Variants in RAPGEF4 observed in about 807,000 individuals in gnomAD.
RAPGEF4 encodes Rap guanine nucleotide exchange factor 4.
A neutral mutation model predicts 147.9 loss-of-function variants in RAPGEF4; 66 were observed. The ratio of observed to expected loss-of-function variants is 0.45; its 90% CI spans 0.37 to 0.55. RAPGEF4 has a LOEUF of 0.55. Among genes scored for constraint, RAPGEF4 ranks in the 20% least tolerant of loss-of-function variants. RAPGEF4 has a pLI of 0.00. For missense variants in RAPGEF4, 1,071 were observed against 1,257.3 expected (o/e 0.85, Z 2.24); for synonymous variants, 419 against 442.7 (o/e 0.95, Z 0.67).
intron 10 of RAPGEF4, among the ~76,000 whole-genome samples, chr2:172,973,099 T>C (rs974324631): frequency 1.8e-3 from 212 of 116,878 alleles, no homozygotes; most frequent in Middle Eastern, 8.8e-3. Context: ...TCAAGCCCCT[T>C]TTTTTTTCTT....
chr2:173,043,909 G>A (rs571103887), intron 29 of RAPGEF4, among the ~76,000 whole-genome samples: 40 of 152,308 alleles, frequency 2.6e-4, no homozygotes, highest in African/African-American at 9.4e-4. Flanking sequence ...TGCTGTCTTT[G>A]TACTGGTCAC....
At chr2:173,030,350 G>C in intron 26 of RAPGEF4, 96 bp downstream of exon 26, 6 of 948,762 alleles carry the variant, frequency 6.3e-6, no homozygotes, top group Non-Finnish European at 1.0e-5. Flanking sequence ...ACTCACACTA[G>C]TATAACAATG....
intron 4 of RAPGEF4, among the ~76,000 whole-genome samples, chr2:172,877,810 C>A (rs1340616416): frequency 6.6e-6 from 1 of 152,122 alleles, no homozygotes; most frequent in African/African-American, 2.4e-5. Context: ...GGGTGAGGGA[C>A]CTTCTGTCTT....
intron 4 of RAPGEF4, among the ~76,000 whole-genome samples, chr2:172,816,173 T>C (rs1688484307): frequency 2.0e-5 from 3 of 152,178 alleles, no homozygotes. Flanking sequence ...CTTAATTGTC[T>C]CATAAATACC....
chr2:173,002,790 A>G (rs1694061406), intron 17 of RAPGEF4, among the ~76,000 whole-genome samples: 2 of 152,170 alleles, frequency 1.3e-5, no homozygotes, highest in South Asian at 2.1e-4. Flanking sequence ...AGGCAGCTTC[A>G]AGAGGGAGAT....
At chr2:172,989,658 G>A (rs1169476499) in intron 14 of RAPGEF4, among the ~76,000 whole-genome samples, 2 of 152,116 alleles carry the variant, frequency 1.3e-5, no homozygotes, top group Admixed American at 1.3e-4. Context: ...TTTTAGGGAT[G>A]GTGACGATGT....
In RAPGEF4 at chr2:172,840,722, G is replaced by A. The variant is rs187053765; in HGVS notation, c.444+26297G>A. ...TTCTTTTGTAGGAAAGAATCCAAAA[G>A]CATCAAGTGAAGCTGCCCTCTTCTT... On this transcript the variant is annotated intron_variant, in intron 4 of 30. Transcript: ENST00000397081. Among the ~76,000 whole-genome samples the A allele has an allele frequency of 3.9e-4, 59 of 152,366 alleles. 1 individual carries two copies. Among genetic ancestry groups the A allele is most frequent in the Non-Finnish European group, 7.3e-4 (50 of 68,028 alleles).
intron 16 of RAPGEF4, among the ~76,000 whole-genome samples, chr2:173,000,252 A>C (rs1248536455): frequency 1.3e-5 from 2 of 152,228 alleles, no homozygotes; most frequent in Non-Finnish European, 2.9e-5. Context: ...ACTATGTATA[A>C]TGGTTAAACC....
intron 1 of RAPGEF4, among the ~76,000 whole-genome samples, chr2:172,779,073 A>T (rs1684440821): frequency 6.6e-6 from 1 of 152,210 alleles, no homozygotes; most frequent in African/African-American, 2.4e-5. Flanking sequence ...AATAAAAAAG[A>T]TACAAAAGTA....
chr2:172,970,244 A>T (rs936722208), intron 10 of RAPGEF4, among the ~76,000 whole-genome samples: 1 of 151,654 alleles, frequency 6.6e-6, no homozygotes, highest in Non-Finnish European at 1.5e-5. Context: ...AAGTGGAAAG[A>T]AAACAAGCTT....
At chr2:172,879,604 C>T (rs2149846134) in intron 4 of RAPGEF4, among the ~76,000 whole-genome samples, 1 of 152,180 alleles carries the variant, frequency 6.6e-6, no homozygotes, top group South Asian at 2.1e-4. Flanking sequence ...AGTTTGATAC[C>T]AGCTTGGGCA....
intron 4 of RAPGEF4, among the ~76,000 whole-genome samples, chr2:172,903,709 T>A (rs1175179307): frequency 1.7e-3 from 1 of 600 alleles, no homozygotes; most frequent in Non-Finnish European, 3.2e-3. Context: ...ATGGATACTG[T>A]ATGCCCCCCG....
chr2:172,759,485 G>A (rs1434202263), intron 1 of RAPGEF4, among the ~76,000 whole-genome samples: 1 of 152,178 alleles, frequency 6.6e-6, no homozygotes, highest in Non-Finnish European at 1.5e-5. Flanking sequence ...AAAGAACAGA[G>A]AGTCAACATC....
At chr2:172,767,354 T>A (rs890151713) in intron 1 of RAPGEF4, among the ~76,000 whole-genome samples, 1 of 152,160 alleles carries the variant, frequency 6.6e-6, no homozygotes, top group Non-Finnish European at 1.5e-5. Flanking sequence ...AGTTTTTGTA[T>A]TTTTAGTATA....
At chr2:172,866,498 CA>C (rs1479325009) in intron 4 of RAPGEF4, among the ~76,000 whole-genome samples, 1 of 152,100 alleles carries the variant, frequency 6.6e-6, no homozygotes, top group Non-Finnish European at 1.5e-5. Context: ...AAGTCGTATT[CA>C]GGGGCACTCT....
intron 1 of RAPGEF4, among the ~76,000 whole-genome samples, chr2:172,755,472 G>A (rs1431870667): frequency 6.6e-6 from 1 of 152,118 alleles, no homozygotes; most frequent in Non-Finnish European, 1.5e-5. Flanking sequence ...TCGGCTCACT[G>A]CAACCTCTGC....
At chr2:172,926,654 C>G (rs1242363113) in intron 6 of RAPGEF4, among the ~76,000 whole-genome samples, 3 of 152,108 alleles carry the variant, frequency 2.0e-5, no homozygotes, top group Non-Finnish European at 4.4e-5. Flanking sequence ...TCACTGCAAC[C>G]TCTGCTTCCT....
At chr2:172,794,892 A>G in intron 1 of RAPGEF4, 133 bp from the exon 2 acceptor site, 3 of 915,796 alleles carry the variant, frequency 3.3e-6, no homozygotes, top group South Asian at 1.7e-5. Context: ...AAGGGGGTGG[A>G]TAAATATTTG....
In RAPGEF4 at chr2:172,739,153, G is replaced by A. The variant is rs182489439; in HGVS notation, c.65+3105G>A. ...CTTAAAACCAGAAAGACAGGACATT[G>A]AACATTTGGATGGATAAACCAACAT... On this transcript the variant is annotated intron_variant, in intron 1 of 30. Transcript: ENST00000397081. Among the ~76,000 whole-genome samples the A allele has an allele frequency of 3.1e-3, 477 of 152,242 alleles. 3 individuals carry two copies. The highest frequency in any genetic ancestry group is 0.017 in the Middle Eastern group (5 of 294).
Sources: gnomAD v4.1 joint callset for allele counts (sites outside exome capture counted in the v4.1 genomes callset) on GRCh38, gnomAD v4.1.1 for gene constraint, MANE v1.5 for transcripts, NCBI Gene and HGNC (gene_info 2026-07-23, HGNC 2026-07-21) for gene names.